The following EXOC4 variants were observed in gnomAD, a reference collection of about 807,000 sequenced individuals.
EXOC4 encodes SEC8-like 1.
EXOC4 carries 71 observed loss-of-function variants against 107.2 expected under a neutral mutation model. The observed-to-expected ratio is 0.66, with a 90% CI of 0.55 to 0.81. The LOEUF (loss-of-function observed/expected upper bound fraction) is 0.81, where lower values mean the gene tolerates loss of function less well. Among genes scored for constraint, EXOC4 ranks in the 30% least tolerant of loss-of-function variants. EXOC4 has a pLI of 0.00. For missense variants in EXOC4, 1,108 were observed against 1,189.6 expected (o/e 0.93, Z 1.01); for synonymous variants, 456 against 441.2 (o/e 1.03, Z -0.42).
intron 7 of EXOC4, among the ~76,000 whole-genome samples, chr7:133,429,550 C>T (rs191208603): frequency 1.3e-5 from 2 of 152,280 alleles, no homozygotes; most frequent in South Asian, 2.1e-4. Context: ...AGAACATGTT[C>T]GTCACTCCAG....
At chr7:133,365,541 A>G (rs1277829028) in intron 6 of EXOC4, among the ~76,000 whole-genome samples, 1 of 152,150 alleles carries the variant, frequency 6.6e-6, no homozygotes, top group African/African-American at 2.4e-5. Flanking sequence ...GCCCCACTTC[A>G]GTATTCTTGT....
At chr7:134,046,612 C>T (rs189818188) in intron 17 of EXOC4, among the ~76,000 whole-genome samples, 223 of 150,494 alleles carry the variant, frequency 1.5e-3, no homozygotes, top group African/African-American at 4.9e-3. Flanking sequence ...GTAGTAAGTA[C>T]GTGGTCCCCT....
chr7:133,808,456 A>G (rs1164144235), intron 10 of EXOC4, among the ~76,000 whole-genome samples: 1 of 152,158 alleles, frequency 6.6e-6, no homozygotes, highest in Non-Finnish European at 1.5e-5. Flanking sequence ...TAGTGAGTTG[A>G]ATATATCTCA....
chr7:133,375,614 A>G (rs983599680), intron 7 of EXOC4, among the ~76,000 whole-genome samples: 1 of 152,202 alleles, frequency 6.6e-6, no homozygotes, highest in African/African-American at 2.4e-5. Flanking sequence ...AAGGTAAAAA[A>G]CATTAAAATA....
At chr7:134,090,667 A>G in the EXOC4 span, among the ~76,000 whole-genome samples, 5 of 152,172 alleles carry the variant, frequency 3.3e-5, no homozygotes, top group African/African-American at 1.2e-4. Flanking sequence ...TCAGGCAGCC[A>G]CTTGTTGGTC....
intron 12 of EXOC4, among the ~76,000 whole-genome samples, chr7:133,912,831 T>G (rs1194571249): frequency 1.3e-5 from 2 of 152,154 alleles, no homozygotes; most frequent in African/African-American, 4.8e-5. Context: ...CACATTTAAA[T>G]CACATGGGAA....
At chr7:133,372,958 C>T (rs1394584036) in intron 6 of EXOC4, among the ~76,000 whole-genome samples, 1 of 152,146 alleles carries the variant, frequency 6.6e-6, no homozygotes, top group African/African-American at 2.4e-5. Context: ...AATAAATTTA[C>T]CTTTGTGAAG....
intron 10 of EXOC4, among the ~76,000 whole-genome samples, chr7:133,749,461 C>T (rs554533280): frequency 3.0e-4 from 45 of 152,178 alleles, no homozygotes; most frequent in South Asian, 6.2e-4. Context: ...AGCATGATCT[C>T]GGCTCATTGC....
intron 9 of EXOC4, among the ~76,000 whole-genome samples, chr7:133,550,850 A>G (rs931237494): frequency 6.6e-6 from 1 of 152,148 alleles, no homozygotes; most frequent in Non-Finnish European, 1.5e-5. Context: ...TTTTATAGAT[A>G]TGATTAAAAT....
At chr7:133,598,419 A>G (rs1433252400) in intron 9 of EXOC4, among the ~76,000 whole-genome samples, 1 of 152,230 alleles carries the variant, frequency 6.6e-6, no homozygotes, top group East Asian at 1.9e-4. Flanking sequence ...AACTTATTGT[A>G]TGTGGCTGTC....
rs538759347 is a variant in EXOC4, at chr7:133,884,281, G to A, written c.1735-11318G>A. 3.3e-5 allele frequency among the ~76,000 whole-genome samples: 5 copies of A among 152,218 alleles called. No homozygotes were observed. The South Asian group carries it at 8.3e-4, about 25-fold the overall frequency. ...TGGGGGCGGGCTGGGCAGGAAAACC[G>A]CAACCACCTACAAACATCATGCAGT... On this transcript the variant is annotated intron_variant, in intron 11 of 17. Coordinates refer to ENST00000253861, the MANE Select transcript of EXOC4 (RefSeq NM_021807.4).
At chr7:133,331,009 G>C (rs1050576913) in intron 5 of EXOC4, among the ~76,000 whole-genome samples, 2 of 151,724 alleles carry the variant, frequency 1.3e-5, no homozygotes, top group African/African-American at 4.8e-5. Context: ...GATGCAACAG[G>C]CCTATGACGT....
chr7:133,735,219 CAAAAAAAAAAAAA>C (rs56769096), intron 10 of EXOC4, among the ~76,000 whole-genome samples: 36 of 33,506 alleles, frequency 1.1e-3, no homozygotes, highest in Admixed American at 3.6e-3. Flanking sequence ...GACTCTGTCT[CAAAAAAAAAAAAA>C]AAAAAAAAAA....
chr7:133,585,536 G>A (rs1310701255), intron 9 of EXOC4, among the ~76,000 whole-genome samples: 1 of 151,964 alleles, frequency 6.6e-6, no homozygotes, highest in African/African-American at 2.4e-5. Flanking sequence ...CTGGGTGGAA[G>A]GATCACTTGA....
At chr7:133,731,489 A>G (rs1795325022) in intron 10 of EXOC4, among the ~76,000 whole-genome samples, 1 of 152,202 alleles carries the variant, frequency 6.6e-6, no homozygotes, top group Non-Finnish European at 1.5e-5. Flanking sequence ...TTGTAGAACT[A>G]CTAGACTTCT....
Position 133,787,958 on chromosome 7 carries a change from TATATTTATATATATATATATA to T in EXOC4, c.1515-29366_1515-29346del, listed in dbSNP as rs1796614632. Among the ~76,000 whole-genome samples the T allele has an allele frequency of 9.8e-3, 519 of 52,970 alleles. 54 individuals carry two copies. The highest frequency in any genetic ancestry group is 0.024 in the East Asian group (32 of 1,342). The allele number at this position is 52,970 out of a possible 152,430, so 34.8% of individuals were successfully genotyped here. The stretch of plus-strand genomic sequence containing the variant: ...TACTTCTTCCCTGTGCATATATTTA[TATATTTATATATATATATATA>T]TATATATATATATATATATATATAT... On this transcript the variant is annotated intron_variant, in intron 10 of 17. Coordinates refer to ENST00000253861, the MANE Select transcript of EXOC4 (RefSeq NM_021807.4).
At chr7:133,441,193 G>A (rs990707547) in intron 7 of EXOC4, among the ~76,000 whole-genome samples, 5 of 152,112 alleles carry the variant, frequency 3.3e-5, no homozygotes, top group Admixed American at 1.3e-4. Flanking sequence ...GCTTCAAGAC[G>A]GGAGAGATAT....
At chr7:133,272,328 G>C (rs1407378252) in intron 1 of EXOC4, among the ~76,000 whole-genome samples, 1 of 152,150 alleles carries the variant, frequency 6.6e-6, no homozygotes, top group Admixed American at 6.5e-5. Context: ...ACCAACCTGA[G>C]TTTTAAATCC....
intron 9 of EXOC4, among the ~76,000 whole-genome samples, chr7:133,486,221 G>A (rs142069186): frequency 1.3e-5 from 2 of 152,116 alleles, no homozygotes; most frequent in East Asian, 1.9e-4. Context: ...ATGGGTTGTC[G>A]GTGACTGGGA....
Sources: allele counts gnomAD v4.1 joint callset (sites outside exome capture counted in the v4.1 genomes callset), GRCh38; gene constraint gnomAD v4.1.1; transcripts MANE v1.5; gene names NCBI Gene and HGNC (gene_info 2026-07-23, HGNC 2026-07-21).